The following GLRX2 variants were observed in gnomAD, a reference collection of about 807,000 sequenced individuals.
GLRX2 encodes the protein bA101E13.1 (GRX2 glutaredoxin (thioltransferase) 2).
A neutral mutation model predicts 16.4 loss-of-function variants in GLRX2; 12 were observed. The observed-to-expected ratio is 0.73, with a 90% CI of 0.47 to 1.19. The LOEUF is 1.19. GLRX2 is among the 50% of genes most tolerant of loss of function. The pLI, the probability that GLRX2 is intolerant of heterozygous loss-of-function variation, is 0.00. For missense variants in GLRX2, 201 were observed against 201.8 expected (o/e 1.00, Z 0.02); for synonymous variants, 95 against 76.2 (o/e 1.25, Z -1.28).
intron 1 of GLRX2, among the ~76,000 whole-genome samples, chr1:193,103,939 A>G (rs1675130066): frequency 1.3e-5 from 2 of 152,210 alleles, no homozygotes; most frequent in South Asian, 2.1e-4. Context: ...TGAAGCCTAA[A>G]CCAGAAAAGG....
Position 193,101,147 on chromosome 1 carries a change from C to A in GLRX2, c.177G>T (p.Gln59His), listed in dbSNP as rs745901233. Residue 59 changes from glutamine (Q) to histidine (H), a missense_variant, in exon 2 of 4, where the codon CAG (glutamine) becomes CAT (histidine). Gln to His is a conservative substitution (Grantham distance 24). Coordinates refer to ENST00000367439, the MANE Select transcript of GLRX2 (RefSeq NM_197962.3). ...CATCTCCCACATCACTCACTTGGATCTGGTTCACAGGCGCCGTCGCTAAAT... is the reference window on the plus strand; with the variant it reads ...CATCTCCCACATCACTCACTTGGATATGGTTCACAGGCGCCGTCGCTAAAT... ...LENLATAPVN[Q>H]IQETISDNCV... 6.2e-7 allele frequency: 1 copy of A among 1,608,260 alleles called. No homozygotes were observed. The highest frequency in any genetic ancestry group is 8.5e-7 in the Non-Finnish European group (1 of 1,174,738).
intron 2 of GLRX2, among the ~76,000 whole-genome samples, chr1:193,099,700 A>G (rs932252452): frequency 1.7e-4 from 26 of 152,334 alleles, no homozygotes; most frequent in African/African-American, 6.0e-4. Flanking sequence ...ACCAGAAAGT[A>G]TAAGACCCAT....
At chr1:193,103,832 C>T (rs755606669) in intron 1 of GLRX2, among the ~76,000 whole-genome samples, 1 of 152,024 alleles carries the variant, frequency 6.6e-6, no homozygotes, top group Non-Finnish European at 1.5e-5. Context: ...AAGTCCTGTG[C>T]GCTTAACTCA....
Position 193,097,737 on chromosome 1 carries a change from C to G in GLRX2, c.207G>C (p.Val69=). ...AACAGGATGTTTTTGAGAAAATCAC[C>G]ACACAATTATCAGAAATTGTTTCCT... The part of the protein sequence containing the change: ...QIQETISDNC[V]VIFSKTSCSY... Residue 69 remains valine (V), a synonymous_variant, in exon 3 of 4, where the codon GTG becomes GTC. Transcript: ENST00000367439. The G allele has an allele frequency of 6.3e-7, 1 of 1,589,194 alleles. No homozygotes were observed. Among genetic ancestry groups the G allele is most frequent in the Non-Finnish European group, 8.5e-7 (1 of 1,171,368 alleles).
chr1:193,103,602 G>A (rs553652101), intron 1 of GLRX2, among the ~76,000 whole-genome samples: 1 of 152,264 alleles, frequency 6.6e-6, no homozygotes, highest in East Asian at 1.9e-4. Context: ...CATCCACCGA[G>A]GGTCTTGGAA....
At chr1:193,105,143 G>T in intron 1 of GLRX2, 121 bp downstream of exon 1, 1 of 1,365,816 alleles carries the variant, frequency 7.3e-7, no homozygotes, top group Non-Finnish European at 9.5e-7. Context: ...CAGAGCCCAC[G>T]CGCTAGTACG....
intron 1 of GLRX2, among the ~76,000 whole-genome samples, chr1:193,103,886 T>C (rs1675128696): frequency 6.6e-6 from 1 of 152,060 alleles, no homozygotes; most frequent in Non-Finnish European, 1.5e-5. Flanking sequence ...GCAGCCAACC[T>C]GAGAGGAGGG....
At chr1:193,105,561 G>A (rs1159083040), upstream of GLRX2, 3 of 1,603,584 alleles carry the variant, frequency 1.9e-6, no homozygotes, top group South Asian at 2.2e-5. Context: ...CCGAGCGCTG[G>A]ATTCCAGCGA....
chr1:193,105,699 T>G, upstream of GLRX2: 1 of 1,532,414 alleles, frequency 6.5e-7, no homozygotes, highest in Non-Finnish European at 8.8e-7. Context: ...CCCAGGCACT[T>G]GGAAGCAGTG....
chr1:193,105,322 C>T lies in GLRX2; in HGVS notation c.61G>A (p.Ala21Thr). The T allele has an allele frequency of 6.5e-7, 1 of 1,535,638 alleles. No individual in the cohort carries two copies. The highest frequency in any genetic ancestry group is 8.7e-7 in the Non-Finnish European group (1 of 1,150,632). ...TRLVWSRSGSAGWLDRAAGAA... is the reference protein window; with the variant it reads ...TRLVWSRSGSTGWLDRAAGAA... Reference sequence around the variant, plus strand: ...CCCGCCGCCCTGTCAAGCCAGCCTGCCGAGCCGCTCCTGCTCCAAACCAGC... The same window carrying T: ...CCCGCCGCCCTGTCAAGCCAGCCTGTCGAGCCGCTCCTGCTCCAAACCAGC... Residue 21 changes from alanine to threonine, a missense_variant, in exon 1 of 4, where the codon GCA (alanine) becomes ACA (threonine). By Grantham distance (58) the Ala-to-Thr change is moderately conservative. Coordinates refer to ENST00000367439, the MANE Select transcript of GLRX2 (RefSeq NM_197962.3).
Position 193,101,195 on chromosome 1 carries a change from G to T in GLRX2, c.129C>A (p.Ser43Arg). 1.3e-6 allele frequency: 2 copies of T among 1,599,156 alleles called. No individual in the cohort carries two copies. Among genetic ancestry groups the T allele is most frequent in the Non-Finnish European group, 1.7e-6 (2 of 1,166,612 alleles). Reference protein sequence around the residue: ...AAAAAASGMESNTSSSLENLA... With the variant: ...AAAAAASGMERNTSSSLENLA... ...AATTCTCCAAAGATGATGATGTATT[G>T]CTCTCCATCCTAAAAGGAATTTAAG... Residue 43 changes from serine (S) to arginine (R), a missense_variant, in exon 2 of 4, where the codon AGC becomes AGA. Ser to Arg is a moderately radical substitution (Grantham distance 110). Transcript: ENST00000367439.
At chr1:193,102,697 T>C (rs898547931) in intron 1 of GLRX2, among the ~76,000 whole-genome samples, 13 of 152,188 alleles carry the variant, frequency 8.5e-5, no homozygotes, top group Non-Finnish European at 1.9e-4. Flanking sequence ...TAATAGCTTT[T>C]TCCAGTACAT....
At chr1:193,099,503 G>C (rs1228011130) in intron 2 of GLRX2, among the ~76,000 whole-genome samples, 2 of 151,838 alleles carry the variant, frequency 1.3e-5, no homozygotes, top group Non-Finnish European at 2.9e-5. Context: ...ACCACACCTC[G>C]ATATTTTTTG....
rs1330945288 is a variant in GLRX2, at chr1:193,105,248, C to T, written c.119+16G>A. ...TGCGCACCACGCCGCGGCACTCCTG[C>T]CCGCTGACCCCGTACCCAGAGGCCG... On this transcript the variant is annotated intron_variant, in intron 1 of 3. Transcript: ENST00000367439. 6.5e-7 allele frequency: 1 copy of T among 1,532,468 alleles called. No homozygotes were observed. Among genetic ancestry groups the T allele is most frequent in the Non-Finnish European group, 8.7e-7 (1 of 1,148,854 alleles). The allele number at this position is 1,532,468 out of a possible 1,614,324, so 94.9% of individuals were successfully genotyped here.
At chr1:193,099,341 G>A (rs924173446) in intron 2 of GLRX2, among the ~76,000 whole-genome samples, 1 of 151,216 alleles carries the variant, frequency 6.6e-6, no homozygotes, top group Admixed American at 6.6e-5. Flanking sequence ...GTTTTTTTTT[G>A]TTTTGTTTTG....
intron 3 of GLRX2, 119 bp downstream of exon 3, chr1:193,097,465 G>A (rs1050319025): frequency 3.0e-6 from 2 of 669,296 alleles, no homozygotes; most frequent in Non-Finnish European, 4.8e-6. Context: ...TAGATCTGCA[G>A]CTGCTTTATC....
chr1:193,099,637 G>C (rs888495238), intron 2 of GLRX2, among the ~76,000 whole-genome samples: 1 of 152,098 alleles, frequency 6.6e-6, no homozygotes, highest in Non-Finnish European at 1.5e-5. Flanking sequence ...AGCCTGTCTA[G>C]TCTGTTCTTT....
At chr1:193,102,740 C>CAGTA (rs1302352837) in intron 1 of GLRX2, among the ~76,000 whole-genome samples, 1 of 152,196 alleles carries the variant, frequency 6.6e-6, no homozygotes, top group Non-Finnish European at 1.5e-5. Flanking sequence ...CTGCCCTACA[C>CAGTA]AGTAGTCCCC....
At chr1:193,102,250 TA>T (rs1175346240) in intron 1 of GLRX2, among the ~76,000 whole-genome samples, 1 of 152,240 alleles carries the variant, frequency 6.6e-6, no homozygotes, top group Non-Finnish European at 1.5e-5. Context: ...GGGGTGCATT[TA>T]AAATTTAAAT....
Sources: gnomAD v4.1 joint callset for allele counts (sites outside exome capture counted in the v4.1 genomes callset) on GRCh38, gnomAD v4.1.1 for gene constraint, MANE v1.5 for transcripts, NCBI Gene and HGNC (gene_info 2026-07-23, HGNC 2026-07-21) for gene names.